Variants in SHROOM3 observed in about 807,000 individuals in gnomAD.
SHROOM3 encodes protein Shroom3.
In SHROOM3, 47 loss-of-function variants were observed where a neutral mutation model predicts 138.6. The ratio of observed to expected loss-of-function variants is 0.34; its 90% CI spans 0.27 to 0.43. SHROOM3 has a LOEUF of 0.43. Among genes scored for constraint, SHROOM3 ranks in the 20% least tolerant of loss-of-function variants. SHROOM3 has a pLI of 1.00. For missense variants in SHROOM3, 2,491 were observed against 2,596.5 expected (o/e 0.96, Z 0.88); for synonymous variants, 1,062 against 1,063.3 (o/e 1.00, Z 0.02).
intron 1 of SHROOM3, among the ~76,000 whole-genome samples, chr4:76,510,971 A>G (rs937904430): frequency 6.6e-6 from 1 of 152,144 alleles, no homozygotes; most frequent in Non-Finnish European, 1.5e-5. Flanking sequence ...ACCTGAGGTC[A>G]GGAGTTCAAG....
chr4:76,756,416 TC>T (rs1443286281), intron 7 of SHROOM3, 32 bp from the exon 8 acceptor site: 16 of 1,493,944 alleles, frequency 1.1e-5, no homozygotes, highest in South Asian at 4.9e-5. Context: ...TCTCTCTCTC[TC>T]TTTTTTTTTT....
chr4:76,551,108 C>A (rs953534752), intron 1 of SHROOM3, among the ~76,000 whole-genome samples: 1 of 151,386 alleles, frequency 6.6e-6, no homozygotes, highest in African/African-American at 2.4e-5. Context: ...TGGGCCCAAG[C>A]GATCCTCCCA....
chr4:76,673,280 ACT>A (rs1335930155), intron 2 of SHROOM3, among the ~76,000 whole-genome samples: 1 of 152,194 alleles, frequency 6.6e-6, no homozygotes, highest in African/African-American at 2.4e-5. Flanking sequence ...TTGGAATCAC[ACT>A]GTGTGATTAG....
At chr4:76,455,692 G>T (rs1417548375) in intron 1 of SHROOM3, among the ~76,000 whole-genome samples, 1 of 152,078 alleles carries the variant, frequency 6.6e-6, no homozygotes, top group Non-Finnish European at 1.5e-5. Context: ...TGATTACAAA[G>T]AAAAATGAAA....
chr4:76,490,383 G>C (rs1314072448), intron 1 of SHROOM3, among the ~76,000 whole-genome samples: 1 of 152,090 alleles, frequency 6.6e-6, no homozygotes, highest in African/African-American at 2.4e-5. Context: ...AAGGCAGGGG[G>C]TTTGCAAAGG....
In SHROOM3 at chr4:76,529,299, G is replaced by A. The variant is rs1424498513; in HGVS notation, c.169-26310G>A. On this transcript the variant is annotated intron_variant, in intron 1 of 10. Transcript: ENST00000296043. ...CTTATGTTGGCTTAGGGCTCTCCAT[G>A]AGAATATCTTTTTGTAGGATTCTTT... Among the ~76,000 whole-genome samples the A allele has an allele frequency of 2.0e-5, 3 of 151,942 alleles. No individual in the cohort carries two copies. In the East Asian group the frequency reaches 5.8e-4, roughly 29 times the overall value.
At chr4:76,517,293 G>A (rs994254244) in intron 1 of SHROOM3, among the ~76,000 whole-genome samples, 3 of 152,164 alleles carry the variant, frequency 2.0e-5, no homozygotes, top group African/African-American at 7.2e-5. Context: ...CATGCAGTTG[G>A]CATTGGATGG....
intron 8 of SHROOM3, chr4:76,757,222 T>C: frequency 5.1e-6 from 2 of 390,496 alleles, no homozygotes; most frequent in South Asian, 5.7e-5. Context: ...CAACATTATT[T>C]AATTTTCACA....
rs562274874 is a variant in SHROOM3 at position 76,451,962 on chromosome 4, C to T, written c.168+15742C>T. Among the ~76,000 whole-genome samples the T allele has an allele frequency of 2.1e-4, 32 of 152,316 alleles. No homozygotes were observed. The East Asian group carries it at 5.8e-3, about 28-fold the overall frequency. On this transcript the variant is annotated intron_variant, in intron 1 of 10. Transcript: ENST00000296043. Reference sequence around the variant, plus strand: ...GCTCAAGCCATCCTCCTGCCTCAGCCTCCGAGTAGCTGGGACTATAGGCGT... The same window carrying T: ...GCTCAAGCCATCCTCCTGCCTCAGCTTCCGAGTAGCTGGGACTATAGGCGT...
At chr4:76,493,237 A>G (rs1187808238) in intron 1 of SHROOM3, among the ~76,000 whole-genome samples, 1 of 151,922 alleles carries the variant, frequency 6.6e-6, no homozygotes, top group African/African-American at 2.4e-5. Context: ...AAAAAAAAAA[A>G]AAAAAAAAAA....
At chr4:76,730,685 T>C in intron 3 of SHROOM3, 119 bp from the exon 4 acceptor site, 1 of 1,310,472 alleles carries the variant, frequency 7.6e-7, no homozygotes, top group Non-Finnish European at 1.1e-6. Context: ...ATTGACTTGG[T>C]TGCTTTTCAA....
At chr4:76,557,226 T>TAC (rs35294663) in intron 2 of SHROOM3, among the ~76,000 whole-genome samples, 40,774 of 141,692 alleles carry the variant, frequency 0.29, 5,861 homozygotes, top group African/African-American at 0.35. Context: ...TGTTTATGTA[T>TAC]ACACACACAC....
At chr4:76,674,229 T>C (rs979259100) in intron 2 of SHROOM3, among the ~76,000 whole-genome samples, 2 of 152,204 alleles carry the variant, frequency 1.3e-5, no homozygotes, top group African/African-American at 4.8e-5. Context: ...TTCTGTATAA[T>C]GTTTTCATCA....
At chr4:76,680,076 G>A (rs1215547774) in intron 2 of SHROOM3, among the ~76,000 whole-genome samples, 2 of 152,020 alleles carry the variant, frequency 1.3e-5, no homozygotes, top group South Asian at 4.2e-4. Context: ...TTTCTCCAGC[G>A]CAAACAACCA....
At chr4:76,693,979 A>C (rs79984636) in intron 2 of SHROOM3, among the ~76,000 whole-genome samples, 5 of 151,510 alleles carry the variant, frequency 3.3e-5, no homozygotes, top group Admixed American at 2.6e-4. Flanking sequence ...TAGAAAAAAA[A>C]AACAAAACTC....
At chr4:76,543,692 T>G (rs528568966) in intron 1 of SHROOM3, among the ~76,000 whole-genome samples, 106 of 152,318 alleles carry the variant, frequency 7.0e-4, no homozygotes, top group Non-Finnish European at 8.7e-4. Flanking sequence ...GAAAGGAAAC[T>G]CTGAAGGATC....
chr4:76,756,356 C>A, intron 7 of SHROOM3, 93 bp from the exon 8 acceptor site: 1 of 1,445,576 alleles, frequency 6.9e-7, no homozygotes, highest in Non-Finnish European at 9.4e-7. Context: ...GCTTCTCCCT[C>A]AGTCTTTCTC....
chr4:76,741,732 G>T lies in SHROOM3; in HGVS notation c.3559G>T (p.Asp1187Tyr). ...GRRLGERRRG[D>Y]LLSGANGGTR... ...CCGCCTCGGGGAACGGCGACGCGGG[G>T]ACCTGCTTAGCGGAGCAAACGGTGG... is the stretch of plus-strand genomic sequence containing the variant. The change falls in exon 5 of 11, where the codon GAC becomes TAC. Residue 1187 changes from aspartate (D) to tyrosine (Y), a missense_variant. By Grantham distance (160) the Asp-to-Tyr change is radical. This residue lies in a region of SHROOM3 where 1,733 missense variants were observed against 1,661.6 expected (regional missense o/e 1.04). Coordinates refer to ENST00000296043, the MANE Select transcript of SHROOM3 (RefSeq NM_020859.4). The surrounding 1 kb of genome is among the most constrained non-coding windows in gnomAD (Gnocchi z 6.2). 5.1e-6 allele frequency: 8 copies of T among 1,559,114 alleles called. No homozygotes were observed. The highest frequency in any genetic ancestry group is 4.3e-6 in the Non-Finnish European group (5 of 1,152,062).
chr4:76,754,524 G>A lies in SHROOM3; in HGVS notation c.4041G>A (p.Arg1347=). 3 of 1,613,736 alleles carry A rather than the reference G, an allele frequency of 1.9e-6. 1 individual carries two copies. In the South Asian group the frequency reaches 3.3e-5, roughly 18 times the overall value. Residue 1347 remains arginine (R), a synonymous_variant, in exon 7 of 11, where the codon AGG becomes AGA. Transcript: ENST00000296043. ...AGTQGLVTDT[R]AAPLTPIGTP... is the part of the protein sequence containing the mutation. ...CGCAAGGGCTGGTCACAGACACCAG[G>A]GCTGCACCCCTGACCCCAATTGGCA...
Sources: allele counts gnomAD v4.1 joint callset (sites outside exome capture counted in the v4.1 genomes callset), GRCh38; gene constraint gnomAD v4.1.1; regional missense constraint gnomAD v4.1.1; non-coding constraint Gnocchi (gnomAD v3.1); transcripts MANE v1.5; gene names NCBI Gene and HGNC (gene_info 2026-07-23, HGNC 2026-07-21).